The following SLC4A5 variants were observed in gnomAD, a reference collection of about 807,000 sequenced individuals.
SLC4A5 encodes the protein electrogenic sodium bicarbonate cotransporter 4.
In SLC4A5, 96 loss-of-function variants were observed where a neutral mutation model predicts 120.4. The observed-to-expected ratio is 0.80, with a 90% CI of 0.68 to 0.94. SLC4A5 has a LOEUF of 0.94. Among genes scored for constraint, SLC4A5 ranks in the 40% least tolerant of loss-of-function variants. The pLI is 0.00. For missense variants in SLC4A5, 1,259 were observed against 1,459.5 expected, an observed-to-expected ratio of 0.86 and a Z score of 2.24; for synonymous variants, 550 against 571.1, an observed-to-expected ratio of 0.96 and a Z score of 0.53.
At chr2:74,292,155 C>A (rs1183832443) in intron 7 of SLC4A5, among the ~76,000 whole-genome samples, 1 of 152,178 alleles carries the variant, frequency 6.6e-6, no homozygotes, top group African/African-American at 2.4e-5. Flanking sequence ...TGAGATAATA[C>A]ATGTAATGTG....
At chr2:74,254,038 T>C (rs1670877682) in intron 14 of SLC4A5, among the ~76,000 whole-genome samples, 1 of 152,150 alleles carries the variant, frequency 6.6e-6, no homozygotes, top group African/African-American at 2.4e-5. Context: ...TGGGGAAAAG[T>C]TATCTCAGGG....
intron 24 of SLC4A5, 44 bp downstream of exon 24, chr2:74,232,425 G>C: frequency 6.3e-7 from 1 of 1,582,556 alleles, no homozygotes; most frequent in Non-Finnish European, 8.6e-7. Flanking sequence ...TCCCCGAGTG[G>C]GCCCCTCCCC....
At chr2:74,226,970 A>G in exon 27 of SLC4A5, 3 of 1,613,696 alleles carry the variant, frequency 1.9e-6, no homozygotes, top group Non-Finnish European at 2.5e-6. Flanking sequence ...GACCGGGAAG[A>G]TGATGGCAGC....
intron 5 of SLC4A5, among the ~76,000 whole-genome samples, chr2:74,317,231 C>T (rs1672991333): frequency 1.3e-5 from 2 of 152,174 alleles, no homozygotes; most frequent in Admixed American, 1.3e-4. Context: ...ATAAAGTCTT[C>T]TCTCCAAATG....
chr2:74,255,817 G>A lies in SLC4A5; in HGVS notation c.983C>T (p.Ser328Leu), dbSNP rs900112197. 6.2e-6 allele frequency: 10 copies of A among 1,614,162 alleles called. No individual in the cohort carries two copies. The highest frequency in any genetic ancestry group is 3.3e-5 in the Admixed American group (2 of 60,022). The change falls in exon 13 of 31, where the codon TCG (serine) becomes TTG (leucine). Residue 328 changes from serine (S) to leucine (L), a missense_variant. Coordinates refer to ENST00000394019, the Ensembl canonical transcript of SLC4A5. This position sits in a 1 kb window ranked among gnomAD's most constrained non-coding sequence, Gnocchi z 4.0. ...CTCGGTCACTCCTCCCAGCATGGCC[G>A]ACTGGATGAGGCGCACGAACGCGAT... is the stretch of plus-strand genomic sequence containing the variant.
intron 5 of SLC4A5, among the ~76,000 whole-genome samples, chr2:74,325,100 T>C (rs1673187959): frequency 6.6e-6 from 1 of 152,220 alleles, no homozygotes; most frequent in Non-Finnish European, 1.5e-5. Context: ...GGGCTTCTCA[T>C]GTTTGCAATC....
At chr2:74,304,946 C>T (rs1672596108) in intron 6 of SLC4A5, among the ~76,000 whole-genome samples, 1 of 152,134 alleles carries the variant, frequency 6.6e-6, no homozygotes, top group African/African-American at 2.4e-5. Flanking sequence ...TCTTGCTTGT[C>T]CGGAACAGTG....
chr2:74,314,507 T>C (rs945622031), intron 6 of SLC4A5, among the ~76,000 whole-genome samples: 4 of 152,210 alleles, frequency 2.6e-5, no homozygotes, highest in African/African-American at 7.2e-5. Context: ...CCATGGCTTC[T>C]TCTCTGTAGT....
chr2:74,262,064 A>G, intron 11 of SLC4A5, 73 bp downstream of exon 11: 1 of 1,387,734 alleles, frequency 7.2e-7, no homozygotes, highest in Admixed American at 1.8e-5. Context: ...TCCCCCACCT[A>G]TGGCAATGTG....
At chr2:74,327,707 T>A (rs1673249760) in intron 5 of SLC4A5, among the ~76,000 whole-genome samples, 1 of 152,152 alleles carries the variant, frequency 6.6e-6, no homozygotes. Flanking sequence ...GGGAAAGAGG[T>A]AAGTCTCAGG....
At chr2:74,247,099 T>C in exon 19 of SLC4A5, 1 of 1,614,148 alleles carries the variant, frequency 6.2e-7, no homozygotes, top group African/African-American at 1.3e-5. Context: ...AAGTCCATAT[T>C]GATAGGGTAG....
intron 1 of SLC4A5, 39 bp downstream of exon 1, chr2:74,343,317 A>G (rs1213291160): frequency 1.3e-5 from 2 of 151,382 alleles, no homozygotes; most frequent in Non-Finnish European, 3.0e-5. Context: ...ACCTACAACC[A>G]CTCTGTAACT....
At chr2:74,250,687 G>C in intron 16 of SLC4A5, 170 bp from the exon 17 acceptor site, 1 of 764,936 alleles carries the variant, frequency 1.3e-6, no homozygotes. Context: ...ATTCCTGTAG[G>C]ACTGAGTTTG....
chr2:74,334,624 A>G (rs1673439513), intron 3 of SLC4A5, among the ~76,000 whole-genome samples: 1 of 152,186 alleles, frequency 6.6e-6, no homozygotes, highest in African/African-American at 2.4e-5. Flanking sequence ...AATATGGCAG[A>G]AAGTTTGTCT....
intron 25 of SLC4A5, among the ~76,000 whole-genome samples, chr2:74,230,802 TTTTC>T (rs1157393413): frequency 1.3e-5 from 2 of 151,810 alleles, no homozygotes; most frequent in African/African-American, 2.4e-5. Context: ...TTTCTTTTTC[TTTTC>T]TTTCTTTTTT....
intron 6 of SLC4A5, among the ~76,000 whole-genome samples, chr2:74,311,045 T>C (rs1287478888): frequency 6.6e-6 from 1 of 152,080 alleles, no homozygotes; most frequent in African/African-American, 2.4e-5. Flanking sequence ...GTAGTTTGTG[T>C]CTTTCAATAA....
At chr2:74,226,325 C>T (rs1193531224) in intron 27 of SLC4A5, among the ~76,000 whole-genome samples, 3 of 152,192 alleles carry the variant, frequency 2.0e-5, no homozygotes, top group Non-Finnish European at 4.4e-5. Context: ...CTGGCAAGGG[C>T]CTGGGTCACT....
chr2:74,227,560 C>T (rs770512206), intron 26 of SLC4A5: 2 of 1,610,314 alleles, frequency 1.2e-6, no homozygotes, highest in Admixed American at 3.3e-5. Context: ...CCCTCCGGTC[C>T]CCATCTGTAA....
At chr2:74,231,491 CCTGACTGGGGCAA>C (rs1477365884) in intron 24 of SLC4A5, among the ~76,000 whole-genome samples, 183 bp from the exon 25 acceptor site, 1 of 152,128 alleles carries the variant, frequency 6.6e-6, no homozygotes, top group Non-Finnish European at 1.5e-5. Context: ...ACAGGCGGCC[CCTGACTGGGGCAA>C]GGGCATCTTG....
Sources: allele counts gnomAD v4.1 joint callset (sites outside exome capture counted in the v4.1 genomes callset), GRCh38; gene constraint gnomAD v4.1.1; non-coding constraint Gnocchi (gnomAD v3.1); transcripts MANE v1.5; gene names NCBI Gene and HGNC (gene_info 2026-07-23, HGNC 2026-07-21).